SCGB2A2: variants seen among roughly 807,000 people sequenced by gnomAD.
SCGB2A2 encodes secretoglobin family 2A member 2, also known as mammaglobin-A.
SCGB2A2 carries 11 observed loss-of-function variants against 8.8 expected under a neutral mutation model. The observed-to-expected ratio is 1.25, with a 90% CI of 0.79 to 2.07. The LOEUF (loss-of-function observed/expected upper bound fraction) is 2.07, where lower values mean the gene tolerates loss of function less well. Ranked by LOEUF, SCGB2A2 falls within the 30% of genes most tolerant of loss-of-function variation. SCGB2A2 has a pLI of 0.00. For synonymous variants in SCGB2A2, 42 were observed against 40.9 expected, an observed-to-expected ratio of 1.03 and a Z score of -0.10; for missense variants, 113 against 109.9, an observed-to-expected ratio of 1.03 and a Z score of -0.13.
intron 2 of SCGB2A2, among the ~76,000 whole-genome samples, chr11:62,272,512 A>C (rs772346828): frequency 6.6e-6 from 1 of 152,154 alleles, no homozygotes; most frequent in Non-Finnish European, 1.5e-5. Flanking sequence ...GTTTCTTTAA[A>C]AGCTTCCTCA....
intron 2 of SCGB2A2, 104 bp from the exon 3 acceptor site, chr11:62,272,853 G>A (rs912493875): frequency 1.6e-5 from 12 of 761,410 alleles, no homozygotes; most frequent in Non-Finnish European, 1.9e-5. Context: ...GATGCTAGAT[G>A]GTTGTGGGCA....
intron 2 of SCGB2A2, chr11:62,272,027 T>G (rs1168528123): frequency 6.0e-6 from 2 of 333,072 alleles, no homozygotes; most frequent in Non-Finnish European, 7.8e-6. Flanking sequence ...AAATTCTTCT[T>G]TAATCCTTCC....
chr11:62,271,182 T>C, intron 2 of SCGB2A2, 114 bp downstream of exon 2: 1 of 1,593,546 alleles, frequency 6.3e-7, no homozygotes, highest in African/African-American at 1.3e-5. Context: ...TTTCTTACAT[T>C]GGTTAATTTA....
intron 2 of SCGB2A2, chr11:62,271,757 T>TC (rs2058367163): frequency 5.1e-6 from 5 of 986,248 alleles, no homozygotes; most frequent in Non-Finnish European, 4.8e-6. Context: ...GCCCTATTTT[T>TC]CAACAGTTTG....
chr11:62,270,280 T>C lies in SCGB2A2; in HGVS notation c.55+9T>C, dbSNP rs760003162. On this transcript the variant is annotated intron_variant, in intron 1 of 2. Transcript: ENST00000227918. ...CCAGCACTGCTACGCAGGTGAGTTC[T>C]GTGCAGGGAGGGCTGCCTCGGGGTT... The C allele has an allele frequency of 3.7e-6, 6 of 1,613,424 alleles. No individual in the cohort carries two copies. The South Asian group carries it at 5.5e-5, about 15-fold the overall frequency.
chr11:62,272,829 C>T, intron 2 of SCGB2A2, 128 bp from the exon 3 acceptor site: 1 of 574,654 alleles, frequency 1.7e-6, no homozygotes, highest in South Asian at 2.8e-5. Flanking sequence ...CTACTTCCAG[C>T]CCTAACCGTC....
intron 1 of SCGB2A2, among the ~76,000 whole-genome samples, 181 bp from the exon 2 acceptor site, chr11:62,270,700 A>G (rs1945270476): frequency 6.6e-6 from 1 of 152,200 alleles, no homozygotes; most frequent in South Asian, 2.1e-4. Context: ...AAGAAGTTGC[A>G]GGGCTTACAG....
Position 62,271,282 on chromosome 11 carries a change from A to T in SCGB2A2, c.243+214A>T, listed in dbSNP as rs1032100984. 5.5e-6 allele frequency: 8 copies of T among 1,456,844 alleles called. No homozygotes were observed. In the African/African-American group the frequency reaches 1.0e-4, roughly 18 times the overall value. 90.2% of individuals were successfully genotyped at this position (1,456,844 alleles called of 1,614,324 possible). On this transcript the variant is annotated intron_variant, in intron 2 of 2. Transcript: ENST00000227918. ...CTACCCAGAGAATCCTCAGTGGATGATAAATGAATAGGGCAAGAGAGGAAA... is the reference window on the plus strand; with the variant it reads ...CTACCCAGAGAATCCTCAGTGGATGTTAAATGAATAGGGCAAGAGAGGAAA...
intron 2 of SCGB2A2, chr11:62,272,109 A>G (rs866505598): frequency 9.3e-5 from 40 of 429,234 alleles, no homozygotes; most frequent in African/African-American, 6.9e-4. Flanking sequence ...AGTGAACATC[A>G]CCTCAGGAAA....
At chr11:62,271,221 A>G in intron 2 of SCGB2A2, 153 bp downstream of exon 2, 1 of 1,522,866 alleles carries the variant, frequency 6.6e-7, no homozygotes, top group Non-Finnish European at 8.8e-7. Flanking sequence ...TGACTTTGCC[A>G]TCAAGAAAAA....
At chr11:62,271,820 A>T (rs1945281463) in intron 2 of SCGB2A2, 1 of 984,732 alleles carries the variant, frequency 1.0e-6, no homozygotes, top group African/African-American at 1.7e-5. Flanking sequence ...AGAATTTAAA[A>T]TGCACTTCCA....
In SCGB2A2 at chr11:62,271,673, C is replaced by T. The variant is rs563883360; in HGVS notation, c.243+605C>T. On this transcript the variant is annotated intron_variant, in intron 2 of 2. Coordinates refer to ENST00000227918, the MANE Select transcript of SCGB2A2 (RefSeq NM_002411.4). The stretch of plus-strand genomic sequence containing the variant: ...AGAAAAAACAATTTTCCAGAAGACC[C>T]GCACCTATAGACCAATCTGCAGAGA... The T allele has an allele frequency of 2.2e-5, 22 of 991,886 alleles. 1 individual carries two copies. The African/African-American group carries it at 2.3e-4, about 10-fold the overall frequency. 61.4% of individuals were successfully genotyped at this position (991,886 alleles called of 1,614,324 possible).
rs1945293101 is a variant in SCGB2A2 at position 62,273,127 on chromosome 11, A to T, written c.*132A>T. 1 of 580,296 alleles carries T rather than the reference A, an allele frequency of 1.7e-6. No homozygotes were observed. Among genetic ancestry groups the T allele is most frequent in the African/African-American group, 1.9e-5 (1 of 51,878 alleles). The allele number at this position is 580,296 out of a possible 1,614,324, so 35.9% of individuals were successfully genotyped here. Reference sequence around the variant, plus strand: ...TACAAGACAATTGTTGAAACCTGCTATACATGTTTATTTTAATAAATTGAT... The same window carrying T: ...TACAAGACAATTGTTGAAACCTGCTTTACATGTTTATTTTAATAAATTGAT... On this transcript the variant is annotated 3_prime_UTR_variant, in exon 3 of 3. Coordinates refer to ENST00000227918, the MANE Select transcript of SCGB2A2 (RefSeq NM_002411.4).
rs1945272397 is a variant in SCGB2A2, at chr11:62,270,903, G to A, written c.78G>A (p.Glu26=). The change falls in exon 2 of 3, where the codon GAG becomes GAA. Residue 26 remains glutamate (E), a synonymous_variant. Coordinates refer to ENST00000227918, the MANE Select transcript of SCGB2A2 (RefSeq NM_002411.4). The part of the protein sequence containing the change: ...CYAGSGCPLL[E]NVISKTINPQ... Reference sequence around the variant, plus strand: ...CAGGCTCTGGCTGCCCCTTATTGGAGAATGTGATTTCCAAGACAATCAATC... The same window carrying A: ...CAGGCTCTGGCTGCCCCTTATTGGAAAATGTGATTTCCAAGACAATCAATC... 4 of 1,613,862 alleles carry A rather than the reference G, an allele frequency of 2.5e-6. No individual in the cohort carries two copies. Among genetic ancestry groups the A allele is most frequent in the South Asian group, 2.2e-5 (2 of 91,074 alleles).
chr11:62,272,403 T>G (rs1325156352), intron 2 of SCGB2A2, among the ~76,000 whole-genome samples: 1 of 152,222 alleles, frequency 6.6e-6, no homozygotes, highest in Non-Finnish European at 1.5e-5. Flanking sequence ...CACTCCGAAC[T>G]GTCCCCTTAA....
Position 62,270,871 on chromosome 11 carries a change from T to A in SCGB2A2, c.56-10T>A, listed in dbSNP as rs746268853. On this transcript the variant is annotated splice_polypyrimidine_tract_variant and intron_variant, in intron 1 of 2. Coordinates refer to ENST00000227918, the MANE Select transcript of SCGB2A2 (RefSeq NM_002411.4). ...TGTACCAAGCTTGTTTCCTTGTGCA[T>A]CCTTCCCAGGCTCTGGCTGCCCCTT... 1 of 1,611,982 alleles carries A rather than the reference T, an allele frequency of 6.2e-7. No homozygotes were observed. Among genetic ancestry groups the A allele is most frequent in the Non-Finnish European group, 8.5e-7 (1 of 1,178,460 alleles).
chr11:62,272,839 C>A, intron 2 of SCGB2A2, 118 bp from the exon 3 acceptor site: 1 of 638,536 alleles, frequency 1.6e-6, no homozygotes, highest in South Asian at 2.4e-5. Context: ...CCCTAACCGT[C>A]TGGGATGCTA....
At chr11:62,272,119 AC>A (rs1945284525) in intron 2 of SCGB2A2, 1 of 377,192 alleles carries the variant, frequency 2.7e-6, no homozygotes, top group African/African-American at 2.2e-5. Flanking sequence ...ACCTCAGGAA[AC>A]CCTGACGCTT....
rs188653974 is a variant in SCGB2A2, at chr11:62,272,836, C to A, written c.244-121C>A. On this transcript the variant is annotated intron_variant, in intron 2 of 2. Transcript: ENST00000227918. ...CAGCTCTTCTACTTCCAGCCCTAAC[C>A]GTCTGGGATGCTAGATGGTTGTGGG... is the stretch of plus-strand genomic sequence containing the variant. The A allele has an allele frequency of 3.8e-5, 23 of 609,776 alleles. No homozygotes were observed. The East Asian group carries it at 3.8e-4, about 10-fold the overall frequency. The allele number at this position is 609,776 out of a possible 1,614,324, so 37.8% of individuals were successfully genotyped here. A position where few individuals can be genotyped will look rare whatever the true frequency, so the allele number is the denominator to read the frequency against.
Sources: allele counts gnomAD v4.1 joint callset (sites outside exome capture counted in the v4.1 genomes callset), GRCh38; gene constraint gnomAD v4.1.1; transcripts MANE v1.5; gene names NCBI Gene and HGNC (gene_info 2026-07-23, HGNC 2026-07-21).